PTPN4: variants seen among roughly 807,000 people sequenced by gnomAD.
PTPN4 encodes tyrosine-protein phosphatase non-receptor type 4.
PTPN4 carries 49 observed loss-of-function variants against 135.5 expected under a neutral mutation model. The ratio of observed to expected loss-of-function variants is 0.36; its 90% CI spans 0.29 to 0.46. The LOEUF (loss-of-function observed/expected upper bound fraction) is 0.46. Ranked by LOEUF, PTPN4 falls within the 20% of genes least tolerant of loss-of-function variation. The pLI is 1.00. For synonymous variants in PTPN4, 333 were observed against 369.9 expected (o/e 0.90, Z 1.14); for missense variants, 860 against 1,101.0 (o/e 0.78, Z 3.10).
intron 2 of PTPN4, among the ~76,000 whole-genome samples, chr2:119,837,208 C>T (rs764552614): frequency 3.3e-5 from 5 of 152,144 alleles, no homozygotes; most frequent in African/African-American, 4.8e-5. Flanking sequence ...AAAAACAGCC[C>T]GATTCACACA....
intron 2 of PTPN4, among the ~76,000 whole-genome samples, chr2:119,860,245 T>A (rs1386855791): frequency 6.6e-6 from 1 of 152,214 alleles, no homozygotes; most frequent in African/African-American, 2.4e-5. Flanking sequence ...GCAGGCGATT[T>A]AAATGGGGGC....
intron 2 of PTPN4, 119 bp from the exon 3 acceptor site, chr2:119,862,417 G>A (rs568752098): frequency 7.5e-6 from 6 of 795,266 alleles, no homozygotes; most frequent in South Asian, 1.9e-5. Flanking sequence ...CACAAAAAAC[G>A]TTTGCTACCT....
At chr2:119,962,458 A>C (rs1679380045) in intron 23 of PTPN4, among the ~76,000 whole-genome samples, 158 bp from the exon 24 acceptor site, 1 of 152,198 alleles carries the variant, frequency 6.6e-6, no homozygotes, top group Non-Finnish European at 1.5e-5. Context: ...CCATCGCAAA[A>C]AAAAAAAACA....
At chr2:119,862,712 C>G (rs1677778836) in intron 3 of PTPN4, 69 bp downstream of exon 3, 3 of 1,304,462 alleles carry the variant, frequency 2.3e-6, no homozygotes, top group Non-Finnish European at 3.2e-6. Context: ...AAAGTCCTTT[C>G]TGATTTACAG....
intron 3 of PTPN4, among the ~76,000 whole-genome samples, chr2:119,864,144 C>T (rs1677798843): frequency 6.6e-6 from 1 of 152,110 alleles, no homozygotes; most frequent in African/African-American, 2.4e-5. Context: ...CAGGAATTCT[C>T]ATTGACTTAC....
intron 2 of PTPN4, among the ~76,000 whole-genome samples, chr2:119,849,112 T>A (rs1409457473): frequency 6.6e-6 from 1 of 152,214 alleles, no homozygotes; most frequent in Non-Finnish European, 1.5e-5. Context: ...TACCTTTCAT[T>A]ACCTCTTTAA....
At chr2:119,917,242 G>A (rs1451405350) in intron 11 of PTPN4, among the ~76,000 whole-genome samples, 1 of 152,140 alleles carries the variant, frequency 6.6e-6, no homozygotes, top group Admixed American at 6.5e-5. Flanking sequence ...TAGTGTACCA[G>A]TTAAAAATGT....
At chr2:119,762,021 G>A (rs1690516322) in intron 1 of PTPN4, among the ~76,000 whole-genome samples, 1 of 152,044 alleles carries the variant, frequency 6.6e-6, no homozygotes, top group South Asian at 2.1e-4. Flanking sequence ...CTTTTAAAAT[G>A]TCCCTAGTAA....
intron 10 of PTPN4, among the ~76,000 whole-genome samples, chr2:119,910,152 CTT>C (rs1678549307): frequency 1.3e-5 from 2 of 151,964 alleles, no homozygotes; most frequent in Non-Finnish European, 2.9e-5. Context: ...GCAATGTGGT[CTT>C]GCCACATTGT....
intron 1 of PTPN4, among the ~76,000 whole-genome samples, chr2:119,807,852 G>A (rs1337783828): frequency 6.6e-6 from 1 of 152,066 alleles, no homozygotes; most frequent in Non-Finnish European, 1.5e-5. Context: ...CTGAATCTAG[G>A]AGCATATCAG....
At chr2:119,809,651 G>A (rs1691541672) in intron 1 of PTPN4, among the ~76,000 whole-genome samples, 186 bp from the exon 2 acceptor site, 1 of 151,700 alleles carries the variant, frequency 6.6e-6, no homozygotes, top group African/African-American at 2.4e-5. Context: ...TCAAAGCAGT[G>A]GTAACTTTAG....
intron 3 of PTPN4, among the ~76,000 whole-genome samples, chr2:119,871,364 T>A (rs1042531412): frequency 1.3e-5 from 2 of 151,914 alleles, no homozygotes; most frequent in Admixed American, 1.3e-4. Flanking sequence ...TAGGAAATAG[T>A]AATGGAAAAA....
chr2:119,859,843 G>A (rs1295656616), intron 2 of PTPN4, among the ~76,000 whole-genome samples: 1 of 152,150 alleles, frequency 6.6e-6, no homozygotes, highest in Admixed American at 6.5e-5. Flanking sequence ...TGATTTCCGT[G>A]GACACTAGTA....
In PTPN4 at chr2:119,793,846, G is replaced by GTTTTTTTTTTTTTTTTTTTTTT. The variant is rs55956611; in HGVS notation, c.-17-15983_-17-15962dup. 5.6e-4 allele frequency among the ~76,000 whole-genome samples: 14 copies of GTTTTTTTTTTTTTTTTTTTTTT among 24,800 alleles called. 1 individual carries two copies. Among genetic ancestry groups the GTTTTTTTTTTTTTTTTTTTTTT allele is most frequent in the East Asian group, 1.7e-3 (1 of 592 alleles). 16.3% of individuals were successfully genotyped at this position (24,800 alleles called of 152,430 possible). ...AGTTTGTTTATTTGTTTCATTTTTA[G>GTTTTTTTTTTTTTTTTTTTTTT]TTTTTTTTTTTTTTTTTTTTTTTTT... On this transcript the variant is annotated intron_variant, in intron 1 of 26. Transcript: ENST00000263708.
intron 9 of PTPN4, among the ~76,000 whole-genome samples, chr2:119,887,354 G>T (rs1678175036): frequency 6.6e-6 from 1 of 152,074 alleles, no homozygotes; most frequent in Admixed American, 6.6e-5. Context: ...GGGCATGGTG[G>T]TGCATGCCTG....
chr2:119,862,185 T>A (rs1677770489), intron 2 of PTPN4, among the ~76,000 whole-genome samples: 1 of 152,230 alleles, frequency 6.6e-6, no homozygotes, highest in African/African-American at 2.4e-5. Flanking sequence ...CTTTGTATTT[T>A]CATATTTATT....
chr2:119,919,998 A>G (rs1435043965), intron 11 of PTPN4, 71 bp from the exon 12 acceptor site: 1 of 1,516,830 alleles, frequency 6.6e-7, no homozygotes, highest in East Asian at 2.3e-5. Flanking sequence ...TTATCTGTCA[A>G]AAGTAAATTA....
intron 1 of PTPN4, among the ~76,000 whole-genome samples, chr2:119,806,021 C>G (rs1691460433): frequency 6.6e-6 from 1 of 151,936 alleles, no homozygotes; most frequent in Non-Finnish European, 1.5e-5. Flanking sequence ...TACAGACAAG[C>G]AAATGCTGAG....
chr2:119,832,328 GT>G (rs775033874), intron 2 of PTPN4, among the ~76,000 whole-genome samples: 1 of 152,062 alleles, frequency 6.6e-6, no homozygotes, highest in Non-Finnish European at 1.5e-5. Context: ...TTTGAGAGGA[GT>G]TTTCCATAAT....
Sources: allele counts gnomAD v4.1 joint callset (sites outside exome capture counted in the v4.1 genomes callset), GRCh38; gene constraint gnomAD v4.1.1; transcripts MANE v1.5; gene names NCBI Gene and HGNC (gene_info 2026-07-23, HGNC 2026-07-21).